The following PKHD1 variants were observed in gnomAD, a reference collection of about 807,000 sequenced individuals.
PKHD1 encodes fibrocystin.
A neutral mutation model predicts 412.0 loss-of-function variants in PKHD1; 291 were observed. The ratio of observed to expected loss-of-function variants is 0.71; its 90% CI spans 0.64 to 0.78. PKHD1 has a LOEUF of 0.78. PKHD1 is among the 30% of genes least tolerant of loss of function. The pLI is 0.00. For missense variants in PKHD1, 4,825 were observed against 4,950.7 expected, an observed-to-expected ratio of 0.97 and a Z score of 0.76; for synonymous variants, 1,777 against 1,821.5, an observed-to-expected ratio of 0.98 and a Z score of 0.62.
At chr6:52,049,034 G>A (rs1806326379) in intron 22 of PKHD1, among the ~76,000 whole-genome samples, 1 of 152,178 alleles carries the variant, frequency 6.6e-6, no homozygotes, top group African/African-American at 2.4e-5. Flanking sequence ...CTGTAGGTAC[G>A]AGAACTCATT....
chr6:51,927,932 T>C (rs779633000), intron 37 of PKHD1, among the ~76,000 whole-genome samples: 14 of 151,898 alleles, frequency 9.2e-5, no homozygotes, highest in Non-Finnish European at 1.6e-4. Flanking sequence ...AACTGTGCAG[T>C]GGAAAAGCCT....
intron 60 of PKHD1, among the ~76,000 whole-genome samples, chr6:51,671,087 G>A (rs1774884644): frequency 6.6e-6 from 1 of 152,122 alleles, no homozygotes; most frequent in South Asian, 2.1e-4. Context: ...GAATCTGAAT[G>A]TTGGCCTGCC....
intron 60 of PKHD1, among the ~76,000 whole-genome samples, chr6:51,709,550 T>C (rs7751077): frequency 0.66 from 100,443 of 152,090 alleles, 34,410 homozygotes; most frequent in East Asian, 0.91. Flanking sequence ...ATGATAGTGA[T>C]CTTTGTATCA....
chr6:52,039,684 A>G (rs1188969713), intron 27 of PKHD1, among the ~76,000 whole-genome samples: 1 of 152,204 alleles, frequency 6.6e-6, no homozygotes, highest in Non-Finnish European at 1.5e-5. Flanking sequence ...GCCATTTTGG[A>G]AACAGTTTGG....
chr6:51,993,262 C>G (rs1462035500), intron 35 of PKHD1, among the ~76,000 whole-genome samples: 1 of 152,220 alleles, frequency 6.6e-6, no homozygotes, highest in East Asian at 1.9e-4. Flanking sequence ...ATTCTTCCAG[C>G]CTGGCCAGAG....
chr6:51,749,508 GAATT>G (rs1785738054), intron 57 of PKHD1, among the ~76,000 whole-genome samples: 2 of 152,052 alleles, frequency 1.3e-5, no homozygotes, highest in Non-Finnish European at 2.9e-5. Context: ...GATTATAGAT[GAATT>G]AATATGCAAT....
chr6:51,810,175 A>T (rs1372282635), intron 52 of PKHD1, among the ~76,000 whole-genome samples: 1 of 152,054 alleles, frequency 6.6e-6, no homozygotes, highest in African/African-American at 2.4e-5. Context: ...AAATGCTTTT[A>T]AAAAAATTGA....
chr6:51,942,479 T>C (rs1583487744), intron 36 of PKHD1, among the ~76,000 whole-genome samples: 2 of 151,780 alleles, frequency 1.3e-5, no homozygotes, highest in African/African-American at 2.4e-5. Flanking sequence ...CTGACACATA[T>C]ACTTTCTGCT....
At chr6:51,952,597 T>C (rs1790529695) in intron 36 of PKHD1, among the ~76,000 whole-genome samples, 1 of 152,054 alleles carries the variant, frequency 6.6e-6, no homozygotes, top group Admixed American at 6.6e-5. Context: ...AATATAAAAA[T>C]AATTCAAGTT....
chr6:51,697,128 T>C (rs956281005), intron 60 of PKHD1, among the ~76,000 whole-genome samples: 9 of 152,020 alleles, frequency 5.9e-5, no homozygotes, highest in African/African-American at 2.2e-4. Flanking sequence ...TGCAGTGACG[T>C]GAGATCGTAC....
intron 60 of PKHD1, among the ~76,000 whole-genome samples, chr6:51,669,188 G>C (rs9367444): frequency 0.14 from 21,991 of 151,926 alleles, 1,590 homozygotes; most frequent in East Asian, 0.27. Flanking sequence ...GACTCTTTTT[G>C]GTTGGTAAGC....
At chr6:52,022,664 G>A (rs1257318713) in intron 33 of PKHD1, 137 bp downstream of exon 33, 4 of 817,936 alleles carry the variant, frequency 4.9e-6, no homozygotes, top group Admixed American at 2.1e-5. Context: ...TAGATGAGGA[G>A]TAGAGAAATT....
intron 60 of PKHD1, among the ~76,000 whole-genome samples, chr6:51,695,621 A>T (rs533399): frequency 0.92 from 139,305 of 152,202 alleles, 64,070 homozygotes; most frequent in Middle Eastern, 0.97. Context: ...TTTACCTGAC[A>T]CTCAAAAACT....
chr6:51,944,928 A>G (rs1561950598), intron 36 of PKHD1, among the ~76,000 whole-genome samples: 1 of 152,208 alleles, frequency 6.6e-6, no homozygotes, highest in Non-Finnish European at 1.5e-5. Context: ...TTTGTCATAT[A>G]TAATATTTCA....
chr6:51,768,737 G>A (rs904761878), intron 55 of PKHD1, among the ~76,000 whole-genome samples: 6 of 151,636 alleles, frequency 4.0e-5, no homozygotes, highest in African/African-American at 7.2e-5. Context: ...TGTAACAAAC[G>A]ATAATATTTA....
intron 52 of PKHD1, among the ~76,000 whole-genome samples, chr6:51,818,418 T>C (rs1765831778): frequency 6.6e-6 from 1 of 151,470 alleles, no homozygotes; most frequent in African/African-American, 2.4e-5. Flanking sequence ...TCCTCCCACA[T>C]GTTTAAATAG....
chr6:51,850,737 T>G (rs1772068936), intron 49 of PKHD1, among the ~76,000 whole-genome samples: 1 of 152,196 alleles, frequency 6.6e-6, no homozygotes, highest in South Asian at 2.1e-4. Flanking sequence ...TTTTGAACAT[T>G]CATTTTGTAT....
chr6:51,985,318 A>G lies in PKHD1; in HGVS notation c.5751+24991T>C, dbSNP rs567101083. Reference sequence around the variant, plus strand: ...ATTAACACATGTTTATTGATTCTTTATTTTGGCCTACTTTGTAAGAAAAAT... The same window carrying G: ...ATTAACACATGTTTATTGATTCTTTGTTTTGGCCTACTTTGTAAGAAAAAT... On this transcript the variant is annotated intron_variant, in intron 35 of 66. Transcript: ENST00000371117. 2.6e-5 allele frequency among the ~76,000 whole-genome samples: 4 copies of G among 152,360 alleles called. No individual in the cohort carries two copies. In the East Asian group the frequency reaches 7.7e-4, roughly 29 times the overall value.
At chr6:51,985,849 T>C (rs928801972) in intron 35 of PKHD1, among the ~76,000 whole-genome samples, 7 of 152,232 alleles carry the variant, frequency 4.6e-5, no homozygotes, top group African/African-American at 1.2e-4. Flanking sequence ...AAGGGATACA[T>C]GTGATATTTT....
Sources: gnomAD v4.1 joint callset for allele counts (sites outside exome capture counted in the v4.1 genomes callset) on GRCh38, gnomAD v4.1.1 for gene constraint, MANE v1.5 for transcripts, NCBI Gene and HGNC (gene_info 2026-07-23, HGNC 2026-07-21) for gene names.